The following DGKB variants were observed in gnomAD, a reference collection of about 807,000 sequenced individuals.
DGKB encodes 90 kDa diacylglycerol kinase.
A neutral mutation model predicts 114.3 loss-of-function variants in DGKB; 67 were observed. The ratio of observed to expected loss-of-function variants is 0.59; its 90% CI spans 0.48 to 0.72. The LOEUF is 0.72. Among genes scored for constraint, DGKB ranks in the 30% least tolerant of loss-of-function variants. The pLI is 0.00. For missense variants in DGKB, 907 were observed against 975.2 expected (o/e 0.93, Z 0.93); for synonymous variants, 398 against 323.1 (o/e 1.23, Z -2.49).
intron 21 of DGKB, among the ~76,000 whole-genome samples, chr7:14,456,727 T>C (rs1314753098): frequency 1.3e-5 from 2 of 152,118 alleles, no homozygotes; most frequent in Non-Finnish European, 2.9e-5. Context: ...TTTGTAATTG[T>C]TTCAAGTTTA....
intron 1 of DGKB, among the ~76,000 whole-genome samples, chr7:14,953,576 A>G (rs1479270191): frequency 6.6e-6 from 1 of 152,124 alleles, no homozygotes; most frequent in Admixed American, 6.6e-5. Context: ...GAGATATTAG[A>G]AAACTCATAC....
intron 21 of DGKB, among the ~76,000 whole-genome samples, chr7:14,380,263 AAAT>A (rs1267601499): frequency 3.3e-5 from 5 of 151,812 alleles, no homozygotes; most frequent in African/African-American, 1.2e-4. Flanking sequence ...ATAAAAATAA[AAAT>A]AAACAATGGC....
At chr7:14,541,439 A>T (rs1793428821) in intron 20 of DGKB, among the ~76,000 whole-genome samples, 1 of 152,224 alleles carries the variant, frequency 6.6e-6, no homozygotes, top group South Asian at 2.1e-4. Context: ...ACAGGAATGA[A>T]CTGAGCCTAT....
chr7:14,332,677 T>C (rs12112152), intron 23 of DGKB, among the ~76,000 whole-genome samples: 34,457 of 152,086 alleles, frequency 0.23, 4,350 homozygotes, highest in South Asian at 0.37. Context: ...ACAACTGTAA[T>C]AGTAAATATA....
intron 20 of DGKB, among the ~76,000 whole-genome samples, chr7:14,537,020 A>C (rs1466157115): frequency 6.6e-6 from 1 of 152,158 alleles, no homozygotes; most frequent in Non-Finnish European, 1.5e-5. Context: ...TCTATCCACA[A>C]ACTATGAACT....
At chr7:14,834,066 T>C (rs542241723) in intron 2 of DGKB, among the ~76,000 whole-genome samples, 1 of 152,082 alleles carries the variant, frequency 6.6e-6, no homozygotes, top group Non-Finnish European at 1.5e-5. Context: ...CTTCCTATAA[T>C]AATGTGGAAA....
At chr7:14,294,169 G>C (rs1007440884) in intron 23 of DGKB, among the ~76,000 whole-genome samples, 4 of 152,072 alleles carry the variant, frequency 2.6e-5, no homozygotes, top group Non-Finnish European at 5.9e-5. Flanking sequence ...CCTGTCATCT[G>C]TCTGGTCCTC....
At chr7:14,935,231 TA>T (rs36084403) in intron 1 of DGKB, among the ~76,000 whole-genome samples, 5 of 152,054 alleles carry the variant, frequency 3.3e-5, no homozygotes. Flanking sequence ...GCATTTATTG[TA>T]AAAGAGGTAG....
intron 1 of DGKB, among the ~76,000 whole-genome samples, chr7:14,961,857 T>C (rs1786862980): frequency 6.6e-6 from 1 of 152,108 alleles, no homozygotes; most frequent in African/African-American, 2.4e-5. Context: ...CTAGCCCCTC[T>C]AAACTTCAGT....
rs369430081 is a variant in DGKB, at chr7:14,561,453, G to A, written c.1770+12759C>T. ...TTTAAAGATACCCCAAAATGGAGAC[G>A]TGACTTTGGAATAGAGTGACAGGCA... On this transcript the variant is annotated intron_variant, in intron 20 of 25. Coordinates refer to ENST00000402815, the MANE Select transcript of DGKB (RefSeq NM_001350709.2). Among the ~76,000 whole-genome samples the A allele has an allele frequency of 4.6e-5, 7 of 152,256 alleles. No homozygotes were observed. The East Asian group carries it at 7.7e-4, about 17-fold the overall frequency.
At position 14,841,366 on chromosome 7, in the gene DGKB, T is replaced by TA. The variant is rs1416142493; in HGVS notation, c.-104dup. 8 of 951,534 alleles carry TA rather than the reference T, an allele frequency of 8.4e-6. No individual in the cohort carries two copies. The highest frequency in any genetic ancestry group is 1.3e-5 in the Non-Finnish European group (8 of 633,036). The allele number at this position is 951,534 out of a possible 1,614,324, so 58.9% of individuals were successfully genotyped here. On this transcript the variant is annotated 5_prime_UTR_variant, in exon 2 of 26. Transcript: ENST00000402815. The stretch of plus-strand genomic sequence containing the variant: ...AGATTCCACATGGCATGTTTCATGA[T>TA]AAAATACCTCAGGCTTTCAAAATAT...
chr7:14,323,242 C>T (rs1808133262), intron 23 of DGKB, among the ~76,000 whole-genome samples: 1 of 152,144 alleles, frequency 6.6e-6, no homozygotes, highest in East Asian at 1.9e-4. Context: ...AAACCAGAAA[C>T]ATTTATTCAT....
intron 21 of DGKB, among the ~76,000 whole-genome samples, chr7:14,434,943 A>T (rs766873914): frequency 7.9e-5 from 12 of 152,054 alleles, no homozygotes; most frequent in Non-Finnish European, 1.3e-4. Flanking sequence ...TGCCAGTACC[A>T]TCTCTTGACC....
chr7:14,461,002 G>A (rs577277699), intron 21 of DGKB, among the ~76,000 whole-genome samples: 6 of 152,136 alleles, frequency 3.9e-5, no homozygotes, highest in East Asian at 3.9e-4. Context: ...GAATGAGTAC[G>A]GGGTAAAAAA....
chr7:14,829,163 C>A (rs771626145), intron 2 of DGKB, among the ~76,000 whole-genome samples: 20 of 152,092 alleles, frequency 1.3e-4, no homozygotes, highest in Non-Finnish European at 2.9e-5. Context: ...CATGGGCAAG[C>A]TCATGCCATT....
chr7:14,649,322 G>A lies in DGKB; in HGVS notation c.1135-19054C>T, dbSNP rs573806883. 9.2e-5 allele frequency among the ~76,000 whole-genome samples: 14 copies of A among 151,856 alleles called. No individual in the cohort carries two copies. The East Asian group carries it at 2.1e-3, about 23-fold the overall frequency. ...TCGGCAGAAACCCCACAAGCCAGAA[G>A]ACAGTGGGGACCAATATTCAACATT... is the stretch of plus-strand genomic sequence containing the variant. On this transcript the variant is annotated intron_variant, in intron 13 of 25. Coordinates refer to ENST00000402815, the MANE Select transcript of DGKB (RefSeq NM_001350709.2).
intron 25 of DGKB, among the ~76,000 whole-genome samples, chr7:14,164,467 G>A (rs1410149631): frequency 6.6e-6 from 1 of 152,204 alleles, no homozygotes; most frequent in Non-Finnish European, 1.5e-5. Context: ...TAATGCAACG[G>A]TCTTGGGAGA....
rs1784069474 is a variant in DGKB at position 14,162,614 on chromosome 7, T to G, written c.2305-13376A>C. On this transcript the variant is annotated intron_variant, in intron 25 of 25. Transcript: ENST00000402815. Reference sequence around the variant, plus strand: ...TCTGCTAGCCAAAATGAAATTAATTTTTTGAATTGGAAACTAATGACTAGA... The same window carrying G: ...TCTGCTAGCCAAAATGAAATTAATTGTTTGAATTGGAAACTAATGACTAGA... 2.6e-5 allele frequency among the ~76,000 whole-genome samples: 4 copies of G among 152,308 alleles called. No homozygotes were observed. The South Asian group carries it at 6.2e-4, about 24-fold the overall frequency.
At chr7:14,907,124 G>A (rs115686755), upstream of DGKB, among the ~76,000 whole-genome samples, 2 of 152,154 alleles carry the variant, frequency 1.3e-5, no homozygotes, top group African/African-American at 4.8e-5. Context: ...TAAGCTGGAA[G>A]GCTAGGAGAG....
Sources: gnomAD v4.1 joint callset for allele counts (sites outside exome capture counted in the v4.1 genomes callset) on GRCh38, gnomAD v4.1.1 for gene constraint, MANE v1.5 for transcripts, NCBI Gene and HGNC (gene_info 2026-07-23, HGNC 2026-07-21) for gene names.